CSMD1: variants seen among roughly 807,000 people sequenced by gnomAD.
CSMD1 encodes CUB and sushi domain-containing protein 1.
Under a neutral mutation model 417.5 loss-of-function variants are expected in CSMD1, and 213 were observed. That is an observed-to-expected ratio of 0.51 (90% CI 0.46 to 0.57). The LOEUF (loss-of-function observed/expected upper bound fraction) is 0.57, where lower values mean the gene tolerates loss of function less well. CSMD1 is among the 20% of genes least tolerant of loss of function. The pLI is 0.00. For missense variants in CSMD1, 6,923 were observed against 4,529.7 expected (o/e 1.53, Z -15.17); for synonymous variants, 2,862 against 1,736.8 (o/e 1.65, Z -16.11).
intron 7 of CSMD1, among the ~76,000 whole-genome samples, chr8:3,680,155 A>T (rs1013437367): frequency 6.6e-6 from 1 of 152,158 alleles, no homozygotes; most frequent in Non-Finnish European, 1.5e-5. Flanking sequence ...CACATTCAAA[A>T]ACTAGCAGAA....
At chr8:4,009,857 T>C (rs537822286) in intron 4 of CSMD1, among the ~76,000 whole-genome samples, 1 of 152,160 alleles carries the variant, frequency 6.6e-6, no homozygotes, top group Admixed American at 6.5e-5. Flanking sequence ...CCTGAGGCCA[T>C]TAAGAGGGTA....
chr8:4,486,820 C>A (rs929014458), intron 2 of CSMD1, among the ~76,000 whole-genome samples: 4 of 152,146 alleles, frequency 2.6e-5, no homozygotes, highest in Non-Finnish European at 4.4e-5. Context: ...AAGGTGCCTG[C>A]AAAAGTTCCA....
intron 3 of CSMD1, among the ~76,000 whole-genome samples, chr8:4,334,923 C>T (rs1800083419): frequency 6.6e-6 from 1 of 152,096 alleles, no homozygotes; most frequent in African/African-American, 2.4e-5. Context: ...TTTCTACCCC[C>T]ACAGATGCTG....
At chr8:3,665,130 G>C (rs1236532540) in intron 7 of CSMD1, among the ~76,000 whole-genome samples, 1 of 152,074 alleles carries the variant, frequency 6.6e-6, no homozygotes, top group South Asian at 2.1e-4. Flanking sequence ...CAGGTGATTA[G>C]GAATTTTGTA....
chr8:3,389,359 C>T (rs1811208738), intron 17 of CSMD1, among the ~76,000 whole-genome samples: 1 of 152,114 alleles, frequency 6.6e-6, no homozygotes, highest in Admixed American at 6.5e-5. Flanking sequence ...TAAGTGAGAA[C>T]ATGCGGCGTT....
intron 1 of CSMD1, among the ~76,000 whole-genome samples, chr8:4,835,022 C>T (rs895389659): frequency 9.1e-6 from 1 of 109,376 alleles, no homozygotes; most frequent in African/African-American, 3.3e-5. Context: ...AAAAAAATCA[C>T]AGTATTGGGG....
intron 5 of CSMD1, among the ~76,000 whole-genome samples, chr8:3,798,775 T>G (rs1035850574): frequency 6.6e-6 from 1 of 152,062 alleles, no homozygotes; most frequent in Non-Finnish European, 1.5e-5. Context: ...TTTTACTATG[T>G]TTGTATTTAA....
intron 3 of CSMD1, among the ~76,000 whole-genome samples, chr8:4,414,851 G>C (rs931228587): frequency 1.3e-5 from 2 of 152,100 alleles, no homozygotes; most frequent in Admixed American, 1.3e-4. Flanking sequence ...AAAGAGTAAT[G>C]GCCAGAGAGT....
intron 31 of CSMD1, among the ~76,000 whole-genome samples, chr8:3,204,973 A>T (rs1797171199): frequency 6.6e-6 from 1 of 152,176 alleles, no homozygotes; most frequent in African/African-American, 2.4e-5. Context: ...ATTAGCTGGA[A>T]TTGGAAGCAA....
At chr8:3,883,674 C>T (rs1237967691) in intron 5 of CSMD1, among the ~76,000 whole-genome samples, 3 of 152,080 alleles carry the variant, frequency 2.0e-5, no homozygotes, top group Non-Finnish European at 4.4e-5. Flanking sequence ...ACACTAACTT[C>T]TATCAATCAT....
chr8:4,362,444 T>C (rs1801826504), intron 3 of CSMD1, among the ~76,000 whole-genome samples: 1 of 152,176 alleles, frequency 6.6e-6, no homozygotes, highest in Non-Finnish European at 1.5e-5. Flanking sequence ...AGAAGAGTTT[T>C]GTTAAAGGTC....
Position 3,834,314 on chromosome 8 carries a change from T to C in CSMD1, c.819-80272A>G, listed in dbSNP as rs140747354. Among the ~76,000 whole-genome samples the C allele has an allele frequency of 6.4e-4, 98 of 152,282 alleles. 1 individual carries two copies. In the East Asian group the frequency reaches 0.016, roughly 25 times the overall value. ...TTCCATGACTTCCCTTTACCCTCTG[T>C]GGATGTGGCTTACTCACTGCTTATA... is the stretch of plus-strand genomic sequence containing the variant. On this transcript the variant is annotated intron_variant, in intron 5 of 69. Transcript: ENST00000635120.
At chr8:4,770,451 T>A (rs1796542312) in intron 1 of CSMD1, among the ~76,000 whole-genome samples, 2 of 148,718 alleles carry the variant, frequency 1.3e-5, no homozygotes, top group South Asian at 4.2e-4. Flanking sequence ...CTTCACAGAA[T>A]TTTTTTTTTA....
At chr8:3,918,764 A>G (rs1268154269) in intron 5 of CSMD1, among the ~76,000 whole-genome samples, 1 of 152,146 alleles carries the variant, frequency 6.6e-6, no homozygotes, top group Admixed American at 6.6e-5. Context: ...TTCTAAGTGA[A>G]GTAACTCAGC....
chr8:3,850,402 A>T (rs1160721827), intron 5 of CSMD1, among the ~76,000 whole-genome samples: 1 of 152,084 alleles, frequency 6.6e-6, no homozygotes, highest in Admixed American at 6.6e-5. Context: ...AACTCCTCAA[A>T]ATTCGCATTA....
intron 1 of CSMD1, among the ~76,000 whole-genome samples, chr8:4,950,081 C>G (rs1374042330): frequency 2.0e-5 from 3 of 150,526 alleles, no homozygotes; most frequent in Non-Finnish European, 4.4e-5. Context: ...AAATATTTCT[C>G]TATAAATATT....
intron 5 of CSMD1, among the ~76,000 whole-genome samples, chr8:3,850,750 G>A (rs189380506): frequency 5.9e-5 from 9 of 151,962 alleles, no homozygotes; most frequent in East Asian, 3.9e-4. Context: ...ATTGAAATTC[G>A]CATTTATACA....
chr8:3,625,715 T>C (rs770287741), intron 7 of CSMD1, among the ~76,000 whole-genome samples: 3 of 152,196 alleles, frequency 2.0e-5, no homozygotes, highest in African/African-American at 4.8e-5. Context: ...AATTCAGTCA[T>C]TCAACATTAT....
intron 5 of CSMD1, among the ~76,000 whole-genome samples, chr8:3,873,567 G>C (rs537816997): frequency 1.3e-5 from 2 of 152,216 alleles, no homozygotes; most frequent in South Asian, 2.1e-4. Context: ...TGGACGGTGG[G>C]AGGAGGGAGA....
Sources: gnomAD v4.1 joint callset for allele counts (sites outside exome capture counted in the v4.1 genomes callset) on GRCh38, gnomAD v4.1.1 for gene constraint, MANE v1.5 for transcripts, NCBI Gene and HGNC (gene_info 2026-07-23, HGNC 2026-07-21) for gene names.